RPAP2: variants seen among roughly 807,000 people sequenced by gnomAD.
RPAP2 encodes the protein RNA polymerase II associated protein 2.
Under a neutral mutation model 73.1 loss-of-function variants are expected in RPAP2, and 52 were observed. The observed-to-expected ratio is 0.71, with a 90% CI of 0.57 to 0.90. RPAP2 has a LOEUF of 0.90. RPAP2 is among the 40% of genes least tolerant of loss of function. The probability of loss-of-function intolerance (pLI) is 0.00; values close to 1 mark genes in which losing one functional copy is unlikely to be tolerated. For synonymous variants in RPAP2, 225 were observed against 242.1 expected, an observed-to-expected ratio of 0.93 and a Z score of 0.65; for missense variants, 598 against 701.8, an observed-to-expected ratio of 0.85 and a Z score of 1.67.
At chr1:92,335,072 G>T (rs1466100342) in intron 9 of RPAP2, among the ~76,000 whole-genome samples, 1 of 152,190 alleles carries the variant, frequency 6.6e-6, no homozygotes, top group Non-Finnish European at 1.5e-5. Context: ...TTGAGCACGA[G>T]AGTTTGAGTC....
Position 92,343,263 on chromosome 1 carries a change from G to A in RPAP2, c.1620-2583G>A, listed in dbSNP as rs76380257. Among the ~76,000 whole-genome samples, 1,196 of 152,280 alleles carry A rather than the reference G, an allele frequency of 7.9e-3. 6 individuals are homozygous for A. Among genetic ancestry groups the A allele is most frequent in the African/African-American group, 0.027 (1,139 of 41,556 alleles). On this transcript the variant is annotated intron_variant, in intron 10 of 12. Transcript: ENST00000610020. ...CTGGACAGATTAAGATGAGGGTTGC[G>A]AAATGTCCGTTGGATTTGGCAGTAT...
intron 10 of RPAP2, among the ~76,000 whole-genome samples, chr1:92,345,425 GAGGA>G (rs1232415438): frequency 1.6e-4 from 22 of 133,762 alleles, no homozygotes; most frequent in Admixed American, 9.1e-4. Context: ...GAAAGAAAGA[GAGGA>G]AGGAAGGAAG....
Position 92,347,941 on chromosome 1 carries a change from G to A in RPAP2, c.1688+2027G>A, listed in dbSNP as rs368756622. On this transcript the variant is annotated intron_variant, in intron 11 of 12. Transcript: ENST00000610020. ...TTTTTTTTCTTTGAGATGGAGTCTC[G>A]CTCTGTTGCCCAGGCTGGAGTGCAA... Among the ~76,000 whole-genome samples the A allele has an allele frequency of 1.1e-3, 174 of 151,420 alleles. 3 individuals are homozygous for A. The South Asian group carries it at 0.018, about 15-fold the overall frequency.
At chr1:92,381,988 C>T (rs138127987) in intron 12 of RPAP2, among the ~76,000 whole-genome samples, 1,481 of 144,988 alleles carry the variant, frequency 0.01, 24 homozygotes, top group African/African-American at 0.035. Flanking sequence ...TCTCTTTGTT[C>T]AATTCCCACC....
At chr1:92,328,655 G>A (rs1000973580) in intron 8 of RPAP2, among the ~76,000 whole-genome samples, 1 of 152,184 alleles carries the variant, frequency 6.6e-6, no homozygotes, top group Middle Eastern at 3.2e-3. Flanking sequence ...GCAATTCTGA[G>A]ATTTTGTCTT....
chr1:92,358,048 G>A (rs989380700), intron 11 of RPAP2, among the ~76,000 whole-genome samples: 12 of 152,140 alleles, frequency 7.9e-5, no homozygotes, highest in African/African-American at 2.9e-4. Flanking sequence ...CTTGATGTAA[G>A]TTTTGAGTAG....
chr1:92,398,233 A>G lies in RPAP2; in HGVS notation c.*11222A>G, dbSNP rs1656233034. On this transcript the variant is annotated 3_prime_UTR_variant, in exon 13 of 13. Coordinates refer to ENST00000610020, the MANE Select transcript of RPAP2 (RefSeq NM_024813.3). ...AAGTGCTTAAGATGATGGAAACCCT[A>G]TTTATCCTGATGTGATTATTACACA... 6.6e-6 allele frequency: 1 copy of G among 152,210 alleles called. No individual in the cohort carries two copies. Among genetic ancestry groups the G allele is most frequent in the African/African-American group, 2.4e-5 (1 of 41,462 alleles). The allele number at this position is 152,210 out of a possible 1,614,324, so 9.4% of individuals were successfully genotyped here. A position where few individuals can be genotyped will look rare whatever the true frequency, so the allele number is the denominator to read the frequency against.
intron 10 of RPAP2, among the ~76,000 whole-genome samples, chr1:92,338,131 C>T (rs991201005): frequency 1.3e-5 from 2 of 151,940 alleles, no homozygotes; most frequent in African/African-American, 2.4e-5. Context: ...ATAAAACAAG[C>T]ACATAAAGAC....
chr1:92,323,799 G>T lies in RPAP2; in HGVS notation c.879G>T (p.Gln293His). 1.2e-6 allele frequency: 2 copies of T among 1,614,084 alleles called. No homozygotes were observed. The highest frequency in any genetic ancestry group is 2.2e-5 in the East Asian group (1 of 44,878). ...EKDATCELPL[Q>H]KVNTQSSSNS... ...ATGCTACATGTGAACTTCCTTTACA[G>T]AAAGTAAATACTCAGAGTTCTTCAA... is the stretch of plus-strand genomic sequence containing the variant. The change falls in exon 8 of 13, where the codon CAG (glutamine) becomes CAT (histidine). Residue 293 changes from glutamine to histidine, a missense_variant. Physicochemically the swap from Gln to His is conservative, Grantham distance 24 (BLOSUM62 0). Around this residue, in one of 3 missense-constraint regions of RPAP2, gnomAD observed 506 missense variants for 612.8 expected, o/e 0.83. Coordinates refer to ENST00000610020, the MANE Select transcript of RPAP2 (RefSeq NM_024813.3).
At chr1:92,333,720 C>G (rs1653108454) in intron 9 of RPAP2, among the ~76,000 whole-genome samples, 2 of 152,104 alleles carry the variant, frequency 1.3e-5, no homozygotes, top group South Asian at 4.1e-4. Flanking sequence ...GTTTAGAAGA[C>G]CAAACTACCT....
At chr1:92,362,212 C>T (rs1654762010) in intron 11 of RPAP2, among the ~76,000 whole-genome samples, 1 of 152,148 alleles carries the variant, frequency 6.6e-6, no homozygotes, top group Non-Finnish European at 1.5e-5. Flanking sequence ...AGTGTGTTTT[C>T]TCCTCTGTTG....
At chr1:92,385,636 GT>G (rs1655834678) in intron 12 of RPAP2, among the ~76,000 whole-genome samples, 1 of 151,976 alleles carries the variant, frequency 6.6e-6, no homozygotes, top group Admixed American at 6.6e-5. Context: ...TTACTACCTA[GT>G]ATATTAATAT....
intron 11 of RPAP2, among the ~76,000 whole-genome samples, chr1:92,351,367 G>A (rs1216197213): frequency 2.7e-5 from 4 of 147,148 alleles, no homozygotes; most frequent in South Asian, 4.3e-4. Context: ...TATATTTTTT[G>A]ATGTGGTATC....
intron 11 of RPAP2, among the ~76,000 whole-genome samples, chr1:92,375,268 GTATT>G (rs1655338013): frequency 6.6e-6 from 1 of 152,172 alleles, no homozygotes; most frequent in Admixed American, 6.5e-5. Flanking sequence ...AACTATTACA[GTATT>G]TATTCATGTA....
In RPAP2 at chr1:92,313,443, C is replaced by CTT. The variant is rs35793049; in HGVS notation, c.488+6180_488+6181dup. ...TAATCAGTAATATTTGGAAAGGAATCTTTTTTTTTTTTTTGAGCAGTAGGT... is the reference window on the plus strand; with the variant it reads ...TAATCAGTAATATTTGGAAAGGAATCTTTTTTTTTTTTTTTTGAGCAGTAGGT... On this transcript the variant is annotated intron_variant, in intron 6 of 12. Transcript: ENST00000610020. Among the ~76,000 whole-genome samples the CTT allele has an allele frequency of 9.7e-3, 1,412 of 144,984 alleles. 9 individuals are homozygous for CTT. Among genetic ancestry groups the CTT allele is most frequent in the Middle Eastern group, 0.014 (4 of 280 alleles).
Position 92,371,315 on chromosome 1 carries a change from A to T in RPAP2, c.1689-9409A>T, listed in dbSNP as rs201212525. Among the ~76,000 whole-genome samples, 373 of 39,244 alleles carry T rather than the reference A, an allele frequency of 9.5e-3. No homozygotes were observed. The South Asian group carries it at 0.12, about 12-fold the overall frequency. The allele number at this position is 39,244 out of a possible 152,430, so 25.7% of individuals were successfully genotyped here. The stretch of plus-strand genomic sequence containing the variant: ...GTGAGTCTCTGTCTCAAAAAAAAAA[A>T]AAAAATATATATATATATATATACC... On this transcript the variant is annotated intron_variant, in intron 11 of 12. Transcript: ENST00000610020.
At chr1:92,382,720 G>C (rs1040000800) in intron 12 of RPAP2, among the ~76,000 whole-genome samples, 3 of 152,230 alleles carry the variant, frequency 2.0e-5, no homozygotes, top group East Asian at 1.9e-4. Context: ...TCTGTAGGTT[G>C]CCTGTTCACT....
At chr1:92,380,636 A>G (rs1181951925) in intron 11 of RPAP2, 88 bp from the exon 12 acceptor site, 5 of 887,178 alleles carry the variant, frequency 5.6e-6, no homozygotes, top group Non-Finnish European at 8.2e-6. Context: ...TATTATTCTC[A>G]TAAAATTTTC....
intron 11 of RPAP2, among the ~76,000 whole-genome samples, chr1:92,357,065 CA>C (rs931196431): frequency 1.5e-3 from 178 of 116,800 alleles, no homozygotes; most frequent in Middle Eastern, 4.4e-3. Flanking sequence ...GACTCTGTCT[CA>C]AAAAAAAAAA....
Sources: gnomAD v4.1 joint callset for allele counts (sites outside exome capture counted in the v4.1 genomes callset) on GRCh38, gnomAD v4.1.1 for gene constraint, gnomAD v4.1.1 regional missense constraint, MANE v1.5 for transcripts, NCBI Gene and HGNC (gene_info 2026-07-23, HGNC 2026-07-21) for gene names.